The following IFT52 variants were observed in gnomAD, a reference collection of about 807,000 sequenced individuals.
IFT52 encodes intraflagellar transport 52, also known as intraflagellar transport protein 52 homolog.
In IFT52, 44 loss-of-function variants were observed where a neutral mutation model predicts 54.4. That is an observed-to-expected ratio of 0.81 (90% confidence interval 0.63 to 1.04). IFT52 has a LOEUF of 1.04. Among genes scored for constraint, IFT52 ranks in the 50% least tolerant of loss-of-function variants. The pLI is 0.00. For synonymous variants in IFT52, 181 were observed against 185.3 expected (o/e 0.98, Z 0.19); for missense variants, 452 against 523.6 (o/e 0.86, Z 1.33).
chr20:43,635,471 AT>A (rs1468299075), intron 10 of IFT52, among the ~76,000 whole-genome samples: 1 of 151,946 alleles, frequency 6.6e-6, no homozygotes, highest in African/African-American at 2.4e-5. Flanking sequence ...TAATTTTTGT[AT>A]TTTTAGTGGA....
chr20:43,641,329 C>T (rs1204564075), intron 12 of IFT52, among the ~76,000 whole-genome samples: 1 of 152,106 alleles, frequency 6.6e-6, no homozygotes, highest in Non-Finnish European at 1.5e-5. Flanking sequence ...CCTCTGCCTC[C>T]CGGGTTCAAG....
At chr20:43,646,911 T>C (rs1986237373) in intron 13 of IFT52, 25 bp from the exon 14 acceptor site, 1 of 1,599,782 alleles carries the variant, frequency 6.3e-7, no homozygotes, top group Non-Finnish European at 8.6e-7. Context: ...AATACTAAAA[T>C]TCTGTGTCTT....
intron 3 of IFT52, among the ~76,000 whole-genome samples, chr20:43,601,304 C>T (rs985045381): frequency 3.3e-5 from 5 of 152,154 alleles, no homozygotes; most frequent in African/African-American, 1.2e-4. Context: ...CTCACATTTG[C>T]TGCCACACTA....
At chr20:43,594,643 T>C (rs1038152199) in intron 1 of IFT52, 50 bp from the exon 2 acceptor site, 5 of 1,001,958 alleles carry the variant, frequency 5.0e-6, no homozygotes, top group Non-Finnish European at 6.4e-6. Context: ...ACTTTTAGGG[T>C]CTTTGGAATA....
At chr20:43,599,836 C>T (rs1207983846) in intron 3 of IFT52, among the ~76,000 whole-genome samples, 27 of 152,108 alleles carry the variant, frequency 1.8e-4, no homozygotes, top group African/African-American at 4.8e-5. Context: ...TATTCAGTTA[C>T]GACCAGGTAA....
chr20:43,602,350 C>T (rs763052715), intron 3 of IFT52, among the ~76,000 whole-genome samples: 12 of 151,658 alleles, frequency 7.9e-5, no homozygotes, highest in Non-Finnish European at 1.0e-4. Flanking sequence ...TTAGTAGACA[C>T]GGGGTTTCAC....
chr20:43,608,161 GGGGAGA>G (rs368886324), intron 6 of IFT52, among the ~76,000 whole-genome samples: 207 of 151,926 alleles, frequency 1.4e-3, no homozygotes, highest in South Asian at 7.9e-3. Context: ...GGGAGACCGT[GGGGAGA>G]GGGAGAGGGA....
chr20:43,605,105 G>T (rs370857892), intron 6 of IFT52, 32 bp downstream of exon 6: 123 of 1,607,468 alleles, frequency 7.7e-5, no homozygotes, highest in Non-Finnish European at 9.8e-5. Flanking sequence ...ACATGAGGAA[G>T]ATGTATCATT....
At chr20:43,615,804 T>C (rs1375476011) in intron 7 of IFT52, among the ~76,000 whole-genome samples, 2 of 152,070 alleles carry the variant, frequency 1.3e-5, no homozygotes, top group Non-Finnish European at 2.9e-5. Context: ...GGGCGTGGTG[T>C]GGTGGCACGC....
chr20:43,600,845 C>T (rs1171105045), intron 3 of IFT52, among the ~76,000 whole-genome samples: 2 of 151,962 alleles, frequency 1.3e-5, no homozygotes, highest in Non-Finnish European at 1.5e-5. Context: ...GTGGCAGGCT[C>T]CTGTAGTCAC....
At chr20:43,611,887 G>A (rs186597589) in intron 6 of IFT52, among the ~76,000 whole-genome samples, 18 of 151,800 alleles carry the variant, frequency 1.2e-4, no homozygotes, top group Admixed American at 7.2e-4. Flanking sequence ...AAAAGTAGCC[G>A]GGCGTGGTGG....
At position 43,596,074 on chromosome 20, in the gene IFT52, G is replaced by A. The variant is rs546063349; in HGVS notation, c.120-361G>A. Among the ~76,000 whole-genome samples the A allele has an allele frequency of 2.6e-5, 4 of 151,854 alleles. No individual in the cohort carries two copies. In the South Asian group the frequency reaches 8.3e-4, roughly 31 times the overall value. On this transcript the variant is annotated intron_variant, in intron 2 of 13. Coordinates refer to ENST00000373030, the MANE Select transcript of IFT52 (RefSeq NM_016004.5). The stretch of plus-strand genomic sequence containing the variant: ...GGTCAGTACTAGGGAAAGGAAACAT[G>A]AGAATTAAATGAGAATAACTTTGTG...
At chr20:43,633,480 C>G (rs992621488) in intron 10 of IFT52, among the ~76,000 whole-genome samples, 1 of 151,694 alleles carries the variant, frequency 6.6e-6, no homozygotes, top group South Asian at 2.1e-4. Flanking sequence ...AAGGCTGAGG[C>G]GGGTGGATCA....
In IFT52 at chr20:43,643,959, C is replaced by T. The variant is rs1314564245; in HGVS notation, c.1266+1335C>T. ...ACTAAAAATACAAAAATTAGCTGGGCGTGGTGGTGCATGCCTGTAGTCCCA... is the reference window on the plus strand; with the variant it reads ...ACTAAAAATACAAAAATTAGCTGGGTGTGGTGGTGCATGCCTGTAGTCCCA... On this transcript the variant is annotated intron_variant, in intron 13 of 13. Transcript: ENST00000373030. 5.3e-5 allele frequency among the ~76,000 whole-genome samples: 3 copies of T among 56,468 alleles called. 1 individual carries two copies. Among genetic ancestry groups the T allele is most frequent in the African/African-American group, 1.5e-4 (3 of 19,538 alleles). The allele number at this position is 56,468 out of a possible 152,430, so 37.0% of individuals were successfully genotyped here.
intron 6 of IFT52, among the ~76,000 whole-genome samples, chr20:43,605,881 T>G (rs1458275671): frequency 2.0e-5 from 3 of 152,190 alleles, no homozygotes; most frequent in Non-Finnish European, 4.4e-5. Flanking sequence ...ATAGGCAGTC[T>G]ATTCTAGAGC....
rs542788727 is a variant in IFT52, at chr20:43,639,383, A to C, written c.1120+2130A>C. ...TGAGACCTTGTCTCAAAAAAACAAAAAAAAAGGCTGGGTGCAGTGGCTCAC... is the reference window on the plus strand; with the variant it reads ...TGAGACCTTGTCTCAAAAAAACAAACAAAAAGGCTGGGTGCAGTGGCTCAC... On this transcript the variant is annotated intron_variant, in intron 12 of 13. Transcript: ENST00000373030. Among the ~76,000 whole-genome samples, 14 of 152,212 alleles carry C rather than the reference A, an allele frequency of 9.2e-5. No individual in the cohort carries two copies. In the South Asian group the frequency reaches 2.9e-3, roughly 32 times the overall value.
chr20:43,591,282 A>G (rs1339465769), intron 1 of IFT52, among the ~76,000 whole-genome samples: 3 of 152,220 alleles, frequency 2.0e-5, no homozygotes, highest in Non-Finnish European at 1.5e-5. Flanking sequence ...TCCGCTGACT[A>G]TGAAAGAGCA....
In IFT52 at chr20:43,641,837, G is replaced by A. The variant is rs993701896; in HGVS notation, c.1121-642G>A. On this transcript the variant is annotated intron_variant, in intron 12 of 13. Coordinates refer to ENST00000373030, the MANE Select transcript of IFT52 (RefSeq NM_016004.5). The stretch of plus-strand genomic sequence containing the variant: ...TGAGATGGAGTCTGTTCTGTTGCCC[G>A]GGGTGGAGTGCAGTGGCGCAATCTC... Among the ~76,000 whole-genome samples the A allele has an allele frequency of 4.0e-5, 6 of 150,284 alleles. No individual in the cohort carries two copies. The East Asian group carries it at 5.9e-4, about 15-fold the overall frequency.
chr20:43,632,195 G>A (rs1035516230), intron 10 of IFT52, among the ~76,000 whole-genome samples: 3 of 152,072 alleles, frequency 2.0e-5, no homozygotes, highest in Non-Finnish European at 4.4e-5. Context: ...AAAGTGCTGG[G>A]ATTACAGGCG....
Sources: gnomAD v4.1 joint callset for allele counts (sites outside exome capture counted in the v4.1 genomes callset) on GRCh38, gnomAD v4.1.1 for gene constraint, MANE v1.5 for transcripts, NCBI Gene and HGNC (gene_info 2026-07-23, HGNC 2026-07-21) for gene names.